ANKUB1: variants seen among roughly 807,000 people sequenced by gnomAD.
The protein encoded by ANKUB1 is ankyrin repeat and ubiquitin domain containing 1.
A neutral mutation model predicts 49.3 loss-of-function variants in ANKUB1; 42 were observed. That is an observed-to-expected ratio of 0.85 (90% CI 0.67 to 1.10). The LOEUF (loss-of-function observed/expected upper bound fraction) is 1.10. Ranked by LOEUF, ANKUB1 falls within the 50% of genes least tolerant of loss-of-function variation. ANKUB1 has a pLI of 0.00. For missense variants in ANKUB1, 613 were observed against 642.0 expected (o/e 0.95, Z 0.49); for synonymous variants, 222 against 231.0 (o/e 0.96, Z 0.35).
intron 2 of ANKUB1, among the ~76,000 whole-genome samples, chr3:149,785,525 C>T (rs1483505196): frequency 1.3e-5 from 2 of 152,042 alleles, no homozygotes; most frequent in Non-Finnish European, 2.9e-5. Flanking sequence ...GTTTTCTATC[C>T]TTGCCATAGT....
chr3:149,784,411 G>C (rs1576681309), intron 2 of ANKUB1, among the ~76,000 whole-genome samples: 1 of 152,102 alleles, frequency 6.6e-6, no homozygotes, highest in Non-Finnish European at 1.5e-5. Context: ...TTTGAATTAC[G>C]AGCCAATAAG....
At chr3:149,763,644 C>T (rs1716866612) in intron 5 of ANKUB1, among the ~76,000 whole-genome samples, 1 of 152,186 alleles carries the variant, frequency 6.6e-6, no homozygotes, top group Admixed American at 6.6e-5. Flanking sequence ...TCCCAGGTCA[C>T]ATAAACCTCT....
At chr3:149,782,490 T>C (rs1425913001) in intron 2 of ANKUB1, among the ~76,000 whole-genome samples, 2 of 152,194 alleles carry the variant, frequency 1.3e-5, no homozygotes, top group Non-Finnish European at 2.9e-5. Context: ...GATAAGCATG[T>C]ATAACTTAGT....
At chr3:149,762,550 T>C (rs1716825938) in intron 5 of ANKUB1, among the ~76,000 whole-genome samples, 1 of 152,222 alleles carries the variant, frequency 6.6e-6, no homozygotes, top group Non-Finnish European at 1.5e-5. Flanking sequence ...CTACTGTTGT[T>C]CTAGTCCAGG....
intron 2 of ANKUB1, among the ~76,000 whole-genome samples, chr3:149,789,515 T>C (rs1180377513): frequency 1.3e-5 from 2 of 151,988 alleles, no homozygotes; most frequent in African/African-American, 4.8e-5. Flanking sequence ...AGGCAGAAAA[T>C]AAAACATTAA....
intron 1 of ANKUB1, among the ~76,000 whole-genome samples, 173 bp from the exon 2 acceptor site, chr3:149,791,097 G>A (rs1403293234): frequency 6.6e-6 from 1 of 152,110 alleles, no homozygotes; most frequent in East Asian, 1.9e-4. Flanking sequence ...ACATTTATGG[G>A]TAGAATTTAG....
At chr3:149,776,191 G>A (rs1391526674) in intron 3 of ANKUB1, among the ~76,000 whole-genome samples, 1 of 151,972 alleles carries the variant, frequency 6.6e-6, no homozygotes, top group Admixed American at 6.5e-5. Flanking sequence ...AATTGTCTTT[G>A]GACTTTTACC....
At chr3:149,791,836 T>C (rs934494791) in intron 1 of ANKUB1, among the ~76,000 whole-genome samples, 1 of 152,220 alleles carries the variant, frequency 6.6e-6, no homozygotes, top group Non-Finnish European at 1.5e-5. Context: ...AAGCCATAGC[T>C]CACAAGTTCT....
intron 5 of ANKUB1, among the ~76,000 whole-genome samples, chr3:149,763,170 C>T (rs1378266967): frequency 6.6e-6 from 1 of 152,178 alleles, no homozygotes; most frequent in East Asian, 1.9e-4. Context: ...ACTGAGTTAA[C>T]CCATCCATGC....
chr3:149,771,885 A>T (rs946030764), intron 3 of ANKUB1, among the ~76,000 whole-genome samples: 38 of 152,110 alleles, frequency 2.5e-4, no homozygotes, highest in Non-Finnish European at 1.5e-4. Flanking sequence ...AAGGGATTGC[A>T]CTACAACCCC....
intron 5 of ANKUB1, among the ~76,000 whole-genome samples, chr3:149,765,954 A>G (rs139033261): frequency 6.6e-6 from 1 of 152,362 alleles, no homozygotes; most frequent in East Asian, 1.9e-4. Context: ...GCAACAACCT[A>G]ACTGAAATAA....
intron 2 of ANKUB1, chr3:149,783,133 G>A (rs1717940891): frequency 6.6e-6 from 1 of 152,138 alleles, no homozygotes; most frequent in South Asian, 2.1e-4. Context: ...TTGAGTTCTA[G>A]TGAGGCACAT....
At chr3:149,766,832 C>CAGCAGCAGCAGT in intron 5 of ANKUB1, 1 of 721,738 alleles carries the variant, frequency 1.4e-6, no homozygotes, top group South Asian at 2.6e-5. Flanking sequence ...GCAGCAGCAG[C>CAGCAGCAGCAGT]AGCAGCAGCA....
chr3:149,789,315 A>T (rs1718255249), intron 2 of ANKUB1, among the ~76,000 whole-genome samples: 1 of 152,184 alleles, frequency 6.6e-6, no homozygotes, highest in African/African-American at 2.4e-5. Context: ...AAGCAAGCAA[A>T]CAATAAAAAG....
In ANKUB1 at chr3:149,766,180, C is replaced by G. The variant is rs115844597; in HGVS notation, c.1505+977G>C. Among the ~76,000 whole-genome samples the G allele has an allele frequency of 7.1e-3, 1,083 of 152,302 alleles. 8 individuals carry two copies. Among genetic ancestry groups the G allele is most frequent in the African/African-American group, 0.024 (1,007 of 41,560 alleles). ...ACCTTAAACATCTAATTCCGATACA[C>G]TTTCTTATCTCTTTAGATGTGCTAA... On this transcript the variant is annotated intron_variant, in intron 5 of 5. Transcript: ENST00000446160.
At chr3:149,771,931 A>T (rs1717383497) in intron 3 of ANKUB1, among the ~76,000 whole-genome samples, 1 of 150,096 alleles carries the variant, frequency 6.7e-6, no homozygotes, top group Middle Eastern at 3.2e-3. Context: ...CTTTCACCCA[A>T]CCTGCTTTTT....
rs370034528 is a variant in ANKUB1 at position 149,767,331 on chromosome 3, G to A, written c.1331C>T (p.Thr444Ile). Residue 444 changes from threonine (T) to isoleucine (I), a missense_variant, in exon 5 of 6, where the codon ACA becomes ATA. Coordinates refer to ENST00000446160, the MANE Select transcript of ANKUB1 (RefSeq NM_001144960.3). ...ARKKEKLIKN[T>I]YLPQVPLPPV... ...AGGGAGGGGGACTTGGGGAAGATAT[G>A]TGTTTTTTATGAGCTTTTCTTTTTT... is the stretch of plus-strand genomic sequence containing the variant. 3.2e-4 allele frequency: 494 copies of A among 1,550,644 alleles called. 2 individuals carry two copies. The highest frequency in any genetic ancestry group is 6.6e-5 in the Non-Finnish European group (76 of 1,146,854).
At chr3:149,765,555 C>T (rs75766829) in intron 5 of ANKUB1, among the ~76,000 whole-genome samples, 4,939 of 152,140 alleles carry the variant, frequency 0.032, 268 homozygotes, top group African/African-American at 0.11. Flanking sequence ...CATGCACACA[C>T]ACACACACAC....
chr3:149,764,779 A>G (rs1716942331), intron 5 of ANKUB1, among the ~76,000 whole-genome samples: 1 of 150,124 alleles, frequency 6.7e-6, no homozygotes. Flanking sequence ...TAACACTTTA[A>G]CAAAATGTTT....
Sources: allele counts gnomAD v4.1 joint callset (sites outside exome capture counted in the v4.1 genomes callset), GRCh38; gene constraint gnomAD v4.1.1; transcripts MANE v1.5; gene names NCBI Gene and HGNC (gene_info 2026-07-23, HGNC 2026-07-21).